Variants in ST8SIA5 observed in about 807,000 individuals in gnomAD.
ST8SIA5 encodes ST8 alpha-N-acetyl-neuraminide alpha-2,8-sialyltransferase 5.
A neutral mutation model predicts 40.2 loss-of-function variants in ST8SIA5; 24 were observed. The ratio of observed to expected loss-of-function variants is 0.60; its 90% confidence interval spans 0.43 to 0.84. The LOEUF is 0.84. Ranked by LOEUF, ST8SIA5 falls within the 40% of genes least tolerant of loss-of-function variation. The pLI, the probability that ST8SIA5 is intolerant of heterozygous loss-of-function variation, is 0.00. For missense variants in ST8SIA5, 465 were observed against 498.5 expected (o/e 0.93, Z 0.64); for synonymous variants, 198 against 201.8 (o/e 0.98, Z 0.16).
chr18:46,731,729 T>C (rs970050274), intron 1 of ST8SIA5: 4 of 152,244 alleles, frequency 2.6e-5, no homozygotes, highest in African/African-American at 7.2e-5. Flanking sequence ...GCTCATCCTA[T>C]GACCATCATC....
intron 1 of ST8SIA5, among the ~76,000 whole-genome samples, chr18:46,743,922 A>G (rs182907334): frequency 5.5e-4 from 84 of 152,368 alleles, no homozygotes; most frequent in African/African-American, 1.7e-3. Context: ...ACATTCTTAA[A>G]GAAAAGAATT....
At chr18:46,732,004 C>T (rs537223224) in intron 1 of ST8SIA5, among the ~76,000 whole-genome samples, 1 of 152,182 alleles carries the variant, frequency 6.6e-6, no homozygotes, top group African/African-American at 2.4e-5. Context: ...GGTGTCTGTG[C>T]TGCCCAAGTT....
At chr18:46,710,309 T>C (rs1292635762) in intron 1 of ST8SIA5, among the ~76,000 whole-genome samples, 1 of 152,180 alleles carries the variant, frequency 6.6e-6, no homozygotes, top group Non-Finnish European at 1.5e-5. Flanking sequence ...GCTCCAGCTC[T>C]GTGGGCTAAG....
intron 2 of ST8SIA5, among the ~76,000 whole-genome samples, chr18:46,698,857 C>T (rs1187796924): frequency 6.6e-6 from 1 of 152,078 alleles, no homozygotes; most frequent in Admixed American, 6.5e-5. Context: ...GATGGAGAGG[C>T]AGGGAAATAG....
intron 5 of ST8SIA5, among the ~76,000 whole-genome samples, chr18:46,683,916 T>C (rs2039421714): frequency 6.6e-6 from 1 of 152,094 alleles, no homozygotes; most frequent in African/African-American, 2.4e-5. Flanking sequence ...TTGCTGCTAT[T>C]AGGTGGTCAA....
intron 1 of ST8SIA5, among the ~76,000 whole-genome samples, chr18:46,716,623 G>T (rs1458677091): frequency 1.6e-4 from 24 of 152,226 alleles, no homozygotes; most frequent in Non-Finnish European, 2.9e-5. Flanking sequence ...GGCCAGCCAA[G>T]GAGCCTGCAG....
rs2039368762 is a variant in ST8SIA5, at chr18:46,679,848, C to T, written c.*194G>A. 1.6e-6 allele frequency: 1 copy of T among 631,354 alleles called. No homozygotes were observed. Among genetic ancestry groups the T allele is most frequent in the African/African-American group, 1.8e-5 (1 of 54,358 alleles). The allele number at this position is 631,354 out of a possible 1,614,324, so 39.1% of individuals were successfully genotyped here. A position where few individuals can be genotyped will look rare whatever the true frequency, so the allele number is the denominator to read the frequency against. On this transcript the variant is annotated 3_prime_UTR_variant, in exon 7 of 7. Coordinates refer to ENST00000315087, the MANE Select transcript of ST8SIA5 (RefSeq NM_013305.6). ...CCGGTGGGGGCCAGGCCAGGAGGCT[C>T]AGCACAGAGCTGACTCTGCCCCGGT...
At chr18:46,711,318 A>G (rs768909855) in intron 1 of ST8SIA5, among the ~76,000 whole-genome samples, 2 of 152,108 alleles carry the variant, frequency 1.3e-5, no homozygotes, top group Non-Finnish European at 2.9e-5. Flanking sequence ...TAATCCTCCC[A>G]ATAGCCCTAT....
At chr18:46,680,587 C>T (rs575794017) in intron 6 of ST8SIA5, 77 bp from the exon 7 acceptor site, 2 of 1,427,830 alleles carry the variant, frequency 1.4e-6, no homozygotes, top group Non-Finnish European at 9.3e-7. Context: ...CCCTTGCACC[C>T]TGGGGCTTTG....
At chr18:46,729,297 GAAAC>G (rs2039963070) in intron 1 of ST8SIA5, among the ~76,000 whole-genome samples, 1 of 151,998 alleles carries the variant, frequency 6.6e-6, no homozygotes. Flanking sequence ...TCCTAGGGAA[GAAAC>G]TAGACTTTAT....
At chr18:46,709,677 G>T (rs1443151669) in intron 1 of ST8SIA5, among the ~76,000 whole-genome samples, 4 of 152,134 alleles carry the variant, frequency 2.6e-5, no homozygotes, top group Non-Finnish European at 5.9e-5. Flanking sequence ...GTAAAAAAAT[G>T]CAAGTTACAA....
intron 1 of ST8SIA5, among the ~76,000 whole-genome samples, chr18:46,715,032 A>G (rs2039773023): frequency 1.3e-5 from 2 of 152,210 alleles, no homozygotes. Flanking sequence ...CCAGGCCCCA[A>G]GAAGCCCACA....
In ST8SIA5 at chr18:46,675,874, AC is replaced by A. The variant is rs1339275805; in HGVS notation, c.*4167del. ...AGACTAGCCTCGTCAACATAGCAAA[AC>A]CCCGTTTCTACAAAAAAAAAAAAAT... On this transcript the variant is annotated 3_prime_UTR_variant, in exon 7 of 7. Transcript: ENST00000315087. 10 of 147,894 alleles carry A rather than the reference AC, an allele frequency of 6.8e-5. No homozygotes were observed. The highest frequency in any genetic ancestry group is 2.5e-4 in the African/African-American group (10 of 40,300). 9.2% of individuals were successfully genotyped at this position (147,894 alleles called of 1,614,324 possible). A position where few individuals can be genotyped will look rare whatever the true frequency, so the allele number is the denominator to read the frequency against.
chr18:46,717,068 T>C (rs997508543), intron 1 of ST8SIA5, among the ~76,000 whole-genome samples: 4 of 152,190 alleles, frequency 2.6e-5, no homozygotes, highest in Non-Finnish European at 4.4e-5. Context: ...GGGGGATGTT[T>C]TCCTGAGGCA....
intron 1 of ST8SIA5, among the ~76,000 whole-genome samples, chr18:46,714,889 C>T (rs1037143656): frequency 6.6e-6 from 1 of 152,186 alleles, no homozygotes; most frequent in Non-Finnish European, 1.5e-5. Flanking sequence ...GGAGACTCCA[C>T]AGAGACTCAA....
chr18:46,738,536 C>T (rs921062153), intron 1 of ST8SIA5, among the ~76,000 whole-genome samples: 1 of 152,188 alleles, frequency 6.6e-6, no homozygotes, highest in Non-Finnish European at 1.5e-5. Context: ...GGATCACTTG[C>T]TGGCCTCACC....
rs1364338694 is a variant in ST8SIA5, at chr18:46,673,655, AAGGGT to A, written c.*6382_*6386del. The A allele has an allele frequency of 6.6e-6, 1 of 152,056 alleles. No individual in the cohort carries two copies. The highest frequency in any genetic ancestry group is 1.9e-4 in the East Asian group (1 of 5,132). The allele number at this position is 152,056 out of a possible 1,614,324, so 9.4% of individuals were successfully genotyped here. On this transcript the variant is annotated 3_prime_UTR_variant, in exon 7 of 7. Coordinates refer to ENST00000315087, the MANE Select transcript of ST8SIA5 (RefSeq NM_013305.6). ...TCCTAATAAACCCATGTGATCTTCA[AAGGGT>A]AGACTGTAGATCTATACTGTAGATC...
At chr18:46,689,303 G>A (rs777530823) in intron 3 of ST8SIA5, among the ~76,000 whole-genome samples, 7 of 152,118 alleles carry the variant, frequency 4.6e-5, no homozygotes, top group Admixed American at 3.3e-4. Flanking sequence ...GGAACTCCTC[G>A]ACGGAGCCTG....
At chr18:46,698,945 G>T (rs898537374) in intron 2 of ST8SIA5, among the ~76,000 whole-genome samples, 3 of 152,160 alleles carry the variant, frequency 2.0e-5, no homozygotes, top group Non-Finnish European at 4.4e-5. Flanking sequence ...GTACAAGAAA[G>T]TTGATGGAGT....
Sources: gnomAD v4.1 joint callset for allele counts (sites outside exome capture counted in the v4.1 genomes callset) on GRCh38, gnomAD v4.1.1 for gene constraint, MANE v1.5 for transcripts, NCBI Gene and HGNC (gene_info 2026-07-23, HGNC 2026-07-21) for gene names.